SLC1A2: variants seen among roughly 807,000 people sequenced by gnomAD.
SLC1A2 encodes the protein excitatory amino acid transporter 2.
A neutral mutation model predicts 48.8 loss-of-function variants in SLC1A2; 15 were observed. That is an observed-to-expected ratio of 0.31 (90% CI 0.21 to 0.47). SLC1A2 has a LOEUF of 0.47. SLC1A2 is among the 20% of genes least tolerant of loss of function. The pLI is 0.99. For missense variants in SLC1A2, 502 were observed against 730.5 expected, an observed-to-expected ratio of 0.69 and a Z score of 3.61; for synonymous variants, 279 against 272.6, an observed-to-expected ratio of 1.02 and a Z score of -0.23.
At chr11:35,417,150 C>T (rs771317042) in intron 1 of SLC1A2, among the ~76,000 whole-genome samples, 25 of 152,162 alleles carry the variant, frequency 1.6e-4, no homozygotes, top group Non-Finnish European at 1.2e-4. Flanking sequence ...ATATAAGTTC[C>T]TCTGATGAAT....
chr11:35,391,301 T>A (rs1854761526), intron 1 of SLC1A2: 1 of 152,218 alleles, frequency 6.6e-6, no homozygotes, highest in South Asian at 2.1e-4. Context: ...AGAAAAACTT[T>A]GTGAACCCCT....
intron 1 of SLC1A2, among the ~76,000 whole-genome samples, chr11:35,381,562 C>G (rs925467356): frequency 2.0e-5 from 3 of 151,834 alleles, no homozygotes; most frequent in South Asian, 2.1e-4. Context: ...AGTTTGAGTC[C>G]CACCAAGAAC....
At position 35,405,418 on chromosome 11, in the gene SLC1A2, A is replaced by AT. The variant is rs60103066; in HGVS notation, c.17+13531dup. ...TTCTAAATCAGTTTTCAAGCCCTGG[A>AT]TTTTTTTTTTTTTTTTAACTAATGT... On this transcript the variant is annotated intron_variant, in intron 1 of 10. Transcript: ENST00000278379. Among the ~76,000 whole-genome samples the AT allele has an allele frequency of 4.1e-3, 593 of 146,250 alleles. 5 individuals carry two copies. Among genetic ancestry groups the AT allele is most frequent in the African/African-American group, 0.013 (499 of 39,830 alleles).
intron 1 of SLC1A2, among the ~76,000 whole-genome samples, chr11:35,340,686 T>C (rs778985738): frequency 6.6e-6 from 1 of 152,210 alleles, no homozygotes; most frequent in African/African-American, 2.4e-5. Context: ...GCAATCAGTA[T>C]TGGCCTGGTT....
intron 1 of SLC1A2, among the ~76,000 whole-genome samples, chr11:35,412,064 A>G (rs1646747432): frequency 6.6e-6 from 1 of 151,918 alleles, no homozygotes; most frequent in Non-Finnish European, 1.5e-5. Context: ...ACAAAACAAA[A>G]ATAAAAAGCA....
rs182217295 is a variant in SLC1A2 at position 35,356,613 on chromosome 11, G to A, written c.18-39097C>T. 3.4e-3 allele frequency among the ~76,000 whole-genome samples: 513 copies of A among 152,316 alleles called. 2 individuals carry two copies. Among genetic ancestry groups the A allele is most frequent in the Non-Finnish European group, 6.0e-3 (411 of 68,028 alleles). On this transcript the variant is annotated intron_variant, in intron 1 of 10. Coordinates refer to ENST00000278379, the MANE Select transcript of SLC1A2 (RefSeq NM_004171.4). ...CAGCAAAATTCAAGGATCCTTCTCAGACATTTGAAATTTCTTCTGAGGGTC... is the reference window on the plus strand; with the variant it reads ...CAGCAAAATTCAAGGATCCTTCTCAAACATTTGAAATTTCTTCTGAGGGTC...
At chr11:35,340,693 G>T (rs981599700) in intron 1 of SLC1A2, among the ~76,000 whole-genome samples, 7 of 152,194 alleles carry the variant, frequency 4.6e-5, no homozygotes, top group South Asian at 2.1e-4. Flanking sequence ...GTATTGGCCT[G>T]GTTCCCCCCT....
chr11:35,347,608 C>T (rs938843904), intron 1 of SLC1A2, among the ~76,000 whole-genome samples: 2 of 152,194 alleles, frequency 1.3e-5, no homozygotes, highest in Non-Finnish European at 2.9e-5. Context: ...CCCGTATTTG[C>T]CTTCCTTGCT....
At chr11:35,280,744 G>A (rs1388539406) in intron 9 of SLC1A2, 123 bp downstream of exon 9, 1 of 606,744 alleles carries the variant, frequency 1.6e-6, no homozygotes, top group East Asian at 2.9e-5. Context: ...GCGGGAAGGA[G>A]GAAGGAAGAG....
At chr11:35,332,335 T>A (rs1338050120) in intron 1 of SLC1A2, among the ~76,000 whole-genome samples, 1 of 152,190 alleles carries the variant, frequency 6.6e-6, no homozygotes, top group Non-Finnish European at 1.5e-5. Context: ...AAAGCCTTCA[T>A]CCCAAGTGCC....
intron 1 of SLC1A2, among the ~76,000 whole-genome samples, chr11:35,320,260 T>C (rs1191892451): frequency 6.6e-6 from 1 of 152,238 alleles, no homozygotes; most frequent in African/African-American, 2.4e-5. Flanking sequence ...GCATAACTTA[T>C]ATTTATTGAG....
At chr11:35,366,157 T>C (rs976533734) in intron 1 of SLC1A2, among the ~76,000 whole-genome samples, 6 of 152,164 alleles carry the variant, frequency 3.9e-5, no homozygotes, top group Non-Finnish European at 7.3e-5. Flanking sequence ...CCTGTTTTGG[T>C]TCTCAAGTAT....
At chr11:35,323,607 C>A (rs1351018315) in intron 1 of SLC1A2, among the ~76,000 whole-genome samples, 1 of 152,134 alleles carries the variant, frequency 6.6e-6, no homozygotes, top group African/African-American at 2.4e-5. Context: ...GATGTGGATT[C>A]CATTCTAGGT....
chr11:35,394,677 C>A (rs1854897160), intron 1 of SLC1A2, among the ~76,000 whole-genome samples: 1 of 152,180 alleles, frequency 6.6e-6, no homozygotes, highest in African/African-American at 2.4e-5. Context: ...CCCAGGTAAG[C>A]AAACCTGTAG....
chr11:35,407,177 C>A (rs10836393), intron 1 of SLC1A2, among the ~76,000 whole-genome samples: 86,602 of 151,852 alleles, frequency 0.57, 25,165 homozygotes, highest in Middle Eastern at 0.69. Flanking sequence ...AAGCTGGCTG[C>A]CCCATCTGTC....
intron 1 of SLC1A2, among the ~76,000 whole-genome samples, chr11:35,343,650 G>T (rs1011741286): frequency 5.3e-5 from 8 of 152,034 alleles, no homozygotes; most frequent in Non-Finnish European, 1.0e-4. Context: ...CAGGATGGAG[G>T]TCCCCTGGGA....
chr11:35,291,324 C>A (rs551869858), intron 7 of SLC1A2: 1 of 151,956 alleles, frequency 6.6e-6, no homozygotes, highest in Non-Finnish European at 1.5e-5. Context: ...TGCAGTGATG[C>A]AATCTCAGCT....
chr11:35,314,047 CCT>C (rs74888930), intron 3 of SLC1A2, among the ~76,000 whole-genome samples: 7,058 of 152,196 alleles, frequency 0.046, 210 homozygotes, highest in East Asian at 0.099. Flanking sequence ...CAATTTATAC[CCT>C]GTTTGAGCAA....
intron 1 of SLC1A2, among the ~76,000 whole-genome samples, chr11:35,349,723 C>T (rs116369705): frequency 0.018 from 2,748 of 152,284 alleles, 68 homozygotes; most frequent in African/African-American, 0.062. Context: ...GGAATCCTAA[C>T]CCAGATTCTT....
Sources: allele counts gnomAD v4.1 joint callset (sites outside exome capture counted in the v4.1 genomes callset), GRCh38; gene constraint gnomAD v4.1.1; transcripts MANE v1.5; gene names NCBI Gene and HGNC (gene_info 2026-07-23, HGNC 2026-07-21).